GRIK3: variants seen among roughly 807,000 people sequenced by gnomAD.
The protein encoded by GRIK3 is glutamate receptor ionotropic, kainate 3.
A neutral mutation model predicts 102.5 loss-of-function variants in GRIK3; 29 were observed. The ratio of observed to expected loss-of-function variants is 0.28; its 90% CI spans 0.21 to 0.39. GRIK3 has a LOEUF of 0.39. GRIK3 is among the 10% of genes least tolerant of loss of function. The probability of loss-of-function intolerance (pLI) is 1.00; values close to 1 mark genes in which losing one functional copy is unlikely to be tolerated. For synonymous variants in GRIK3, 511 were observed against 504.9 expected, an observed-to-expected ratio of 1.01 and a Z score of -0.16; for missense variants, 908 against 1,252.4, an observed-to-expected ratio of 0.73 and a Z score of 4.15.
chr1:36,800,202 C>T lies in GRIK3; in HGVS notation c.*1649G>A, dbSNP rs1302444483. 2.0e-5 allele frequency: 3 copies of T among 152,314 alleles called. No homozygotes were observed. Among genetic ancestry groups the T allele is most frequent in the East Asian group, 1.9e-4 (1 of 5,176 alleles). The allele number at this position is 152,314 out of a possible 1,614,324, so 9.4% of individuals were successfully genotyped here. A position where few individuals can be genotyped will look rare whatever the true frequency, so the allele number is the denominator to read the frequency against. The stretch of plus-strand genomic sequence containing the variant: ...ATGAAGCTCTTCCCTAACCGGGCTT[C>T]CCAAGCAGCATGGGACAGAGGTGGG... On this transcript the variant is annotated 3_prime_UTR_variant, in exon 16 of 16. Coordinates refer to ENST00000373091, the MANE Select transcript of GRIK3 (RefSeq NM_000831.4).
intron 9 of GRIK3, among the ~76,000 whole-genome samples, chr1:36,843,894 C>T (rs1186123911): frequency 1.3e-5 from 2 of 152,244 alleles, no homozygotes; most frequent in African/African-American, 4.8e-5. Flanking sequence ...AAGGCACATG[C>T]TTAACTATGG....
At chr1:36,882,956 A>C (rs1236860913) in intron 2 of GRIK3, among the ~76,000 whole-genome samples, 2 of 152,222 alleles carry the variant, frequency 1.3e-5, no homozygotes, top group Non-Finnish European at 2.9e-5. Context: ...GAGCAAGCTC[A>C]CCTACCTGTG....
At chr1:36,913,553 C>G (rs2124297339) in intron 1 of GRIK3, among the ~76,000 whole-genome samples, 1 of 152,314 alleles carries the variant, frequency 6.6e-6, no homozygotes, top group Non-Finnish European at 1.5e-5. Flanking sequence ...AGAAATTGCA[C>G]TAATTATAGA....
chr1:36,818,681 G>A (rs990076420), intron 12 of GRIK3, among the ~76,000 whole-genome samples: 4 of 152,208 alleles, frequency 2.6e-5, no homozygotes, highest in African/African-American at 9.7e-5. Context: ...GCATGTAGTG[G>A]GTGCCCAGGA....
chr1:36,809,634 C>G (rs1186995301), intron 13 of GRIK3, among the ~76,000 whole-genome samples: 2 of 152,238 alleles, frequency 1.3e-5, no homozygotes, highest in African/African-American at 4.8e-5. Context: ...CACCCCAACA[C>G]TTTATTCCTC....
chr1:36,964,815 G>A (rs1406113097), intron 1 of GRIK3, among the ~76,000 whole-genome samples: 1 of 152,160 alleles, frequency 6.6e-6, no homozygotes, highest in Non-Finnish European at 1.5e-5. Context: ...ATTGAAAAGA[G>A]GAATCCCCAA....
At position 36,801,880 on chromosome 1, in the gene GRIK3, T is replaced by C; in HGVS notation, c.2731A>G (p.Ser911Gly). ...GGGAACACAGGGGCTAAGGATGTGC[T>C]GCAGGCCATGCTGTCCTTGCCGGGA... ...RLPGKDSMACSTSLAPVFP is the reference protein window; with the variant it reads ...RLPGKDSMACGTSLAPVFP Residue 911 changes from serine (S) to glycine (G), a missense_variant, in exon 16 of 16, where the codon AGC becomes GGC. Around this residue, in one of 3 missense-constraint regions of GRIK3, gnomAD observed 297 missense variants for 362.7 expected, o/e 0.82. Transcript: ENST00000373091. The C allele has an allele frequency of 1.2e-6, 2 of 1,611,682 alleles. No homozygotes were observed. The highest frequency in any genetic ancestry group is 1.1e-5 in the South Asian group (1 of 90,610).
chr1:37,032,343 G>A (rs1187625308), intron 1 of GRIK3, among the ~76,000 whole-genome samples: 1 of 152,122 alleles, frequency 6.6e-6, no homozygotes, highest in Admixed American at 6.5e-5. Context: ...AAGGATCAAG[G>A]AAAAGGGAAC....
chr1:36,813,418 A>G (rs1459227346), intron 13 of GRIK3, among the ~76,000 whole-genome samples: 1 of 152,204 alleles, frequency 6.6e-6, no homozygotes, highest in Non-Finnish European at 1.5e-5. Flanking sequence ...CCTGTTCAAC[A>G]GTAGTGCAGC....
Position 37,034,331 on chromosome 1 carries a change from C to A in GRIK3, c.-223G>T, listed in dbSNP as rs966563861. On this transcript the variant is annotated 5_prime_UTR_variant, in exon 1 of 16. Transcript: ENST00000373091. Reference sequence around the variant, plus strand: ...GCCTGGCTGCCGCCCACGGGCTGCCCGCGAGCGAGGCTCCTGGGCTCCGCC... The same window carrying A: ...GCCTGGCTGCCGCCCACGGGCTGCCAGCGAGCGAGGCTCCTGGGCTCCGCC... Among the ~76,000 whole-genome samples the A allele has an allele frequency of 4.7e-4, 71 of 149,854 alleles. No homozygotes were observed. The highest frequency in any genetic ancestry group is 1.6e-3 in the African/African-American group (67 of 41,154).
chr1:36,831,379 A>G (rs762034820), intron 10 of GRIK3, among the ~76,000 whole-genome samples: 22 of 152,308 alleles, frequency 1.4e-4, no homozygotes, highest in Non-Finnish European at 2.8e-4. Context: ...CAGCTGCCTA[A>G]GTAAACCAGC....
At chr1:36,948,992 C>T (rs1641813820) in intron 1 of GRIK3, among the ~76,000 whole-genome samples, 1 of 152,226 alleles carries the variant, frequency 6.6e-6, no homozygotes, top group South Asian at 2.1e-4. Context: ...GTCAAGGGCA[C>T]TGCTGGGTGG....
In GRIK3 at chr1:36,950,104, A is replaced by G. The variant is rs58026912; in HGVS notation, c.116-59008T>C. 2.8e-3 allele frequency among the ~76,000 whole-genome samples: 428 copies of G among 152,238 alleles called. 8 individuals carry two copies. The South Asian group carries it at 0.048, about 17-fold the overall frequency. ...TACACACATACACAACACACACACA[A>G]TACACATACACATGATCTCATTTTC... On this transcript the variant is annotated intron_variant, in intron 1 of 15. Coordinates refer to ENST00000373091, the MANE Select transcript of GRIK3 (RefSeq NM_000831.4).
intron 10 of GRIK3, among the ~76,000 whole-genome samples, chr1:36,831,035 C>T (rs1450919036): frequency 6.6e-6 from 1 of 152,148 alleles, no homozygotes; most frequent in African/African-American, 2.4e-5. Context: ...TTCTGACCTC[C>T]AGCACTGGCA....
At chr1:36,991,375 T>A (rs1446549835) in intron 1 of GRIK3, among the ~76,000 whole-genome samples, 1 of 152,308 alleles carries the variant, frequency 6.6e-6, no homozygotes, top group East Asian at 1.9e-4. Flanking sequence ...AACTTCTGCA[T>A]TTCACAGGGC....
At chr1:36,933,915 G>A (rs566325883) in intron 1 of GRIK3, among the ~76,000 whole-genome samples, 23 of 152,030 alleles carry the variant, frequency 1.5e-4, no homozygotes, top group Non-Finnish European at 1.0e-4. Context: ...TGAGCATCTC[G>A]CCCCCCACCA....
intron 4 of GRIK3, among the ~76,000 whole-genome samples, chr1:36,870,934 A>AG (rs1409046266): frequency 7.3e-6 from 1 of 136,540 alleles, no homozygotes; most frequent in Non-Finnish European, 1.6e-5. Flanking sequence ...GGGTTGGGGT[A>AG]GGGGGGAGAA....
intron 1 of GRIK3, among the ~76,000 whole-genome samples, chr1:37,031,128 C>T (rs868689418): frequency 2.6e-5 from 4 of 152,120 alleles, no homozygotes; most frequent in African/African-American, 7.2e-5. Context: ...ATAATAACGA[C>T]GATAATAATA....
chr1:36,948,913 C>A (rs1641812826), intron 1 of GRIK3, among the ~76,000 whole-genome samples: 1 of 152,224 alleles, frequency 6.6e-6, no homozygotes, highest in African/African-American at 2.4e-5. Flanking sequence ...GAGCTGGCTG[C>A]TCCTCAAGCT....
Sources: allele counts gnomAD v4.1 joint callset (sites outside exome capture counted in the v4.1 genomes callset), GRCh38; gene constraint gnomAD v4.1.1; regional missense constraint gnomAD v4.1.1; transcripts MANE v1.5; gene names NCBI Gene and HGNC (gene_info 2026-07-23, HGNC 2026-07-21).